QRICH2: variants seen among roughly 807,000 people sequenced by gnomAD.
QRICH2 encodes the protein glutamine-rich protein 2.
Under a neutral mutation model 168.3 loss-of-function variants are expected in QRICH2, and 119 were observed. That is an observed-to-expected ratio of 0.71 (90% CI 0.61 to 0.82). QRICH2 has a LOEUF of 0.82. QRICH2 is among the 40% of genes least tolerant of loss of function. QRICH2 has a pLI of 0.00. For missense variants in QRICH2, 2,241 were observed against 2,491.6 expected, an observed-to-expected ratio of 0.90 and a Z score of 2.14; for synonymous variants, 894 against 951.2, an observed-to-expected ratio of 0.94 and a Z score of 1.11.
chr17:76,289,197 A>C (rs2070944101), intron 5 of QRICH2, among the ~76,000 whole-genome samples: 1 of 152,084 alleles, frequency 6.6e-6, no homozygotes, highest in African/African-American at 2.4e-5. Context: ...TTTTAAAAAA[A>C]ATTTTTTTAG....
rs1470459638 is a variant in QRICH2, at chr17:76,274,143, T to C, written c.5600A>G (p.Asp1867Gly). 6.3e-7 allele frequency: 1 copy of C among 1,587,926 alleles called. No homozygotes were observed. The highest frequency in any genetic ancestry group is 2.3e-5 in the East Asian group (1 of 42,902). ...CTCGAGCCCCTCCCCAGGAGGCATGTCCACGTGCCTCTCCAGCCCCCTGTT... is the reference window on the plus strand; with the variant it reads ...CTCGAGCCCCTCCCCAGGAGGCATGCCCACGTGCCTCTCCAGCCCCCTGTT... ...VANRGLERHVDMPPGEGLEEP... is the reference protein window; with the variant it reads ...VANRGLERHVGMPPGEGLEEP... The change falls in exon 19 of 19, where the codon GAC becomes GGC. Residue 1867 changes from aspartate to glycine, a missense_variant. Coordinates refer to ENST00000680821, the MANE Select transcript of QRICH2 (RefSeq NM_001388453.1).
intron 3 of QRICH2, among the ~76,000 whole-genome samples, chr17:76,297,631 A>C (rs2070818203): frequency 6.6e-6 from 1 of 152,180 alleles, no homozygotes; most frequent in African/African-American, 2.4e-5. Context: ...ATGAGGAGAT[A>C]ACTCAACCAA....
At chr17:76,277,047 A>C (rs1294037187) in intron 16 of QRICH2, 116 bp downstream of exon 16, 2 of 1,141,700 alleles carry the variant, frequency 1.8e-6, no homozygotes, top group African/African-American at 3.1e-5. Flanking sequence ...GGTCTGATTA[A>C]GGAATTGCCT....
intron 3 of QRICH2, among the ~76,000 whole-genome samples, chr17:76,303,360 T>C (rs912222096): frequency 6.6e-6 from 1 of 152,200 alleles, no homozygotes; most frequent in African/African-American, 2.4e-5. Flanking sequence ...CATTTTCAAA[T>C]GGCCCTCAAA....
intron 5 of QRICH2, among the ~76,000 whole-genome samples, chr17:76,289,626 G>A (rs1414430709): frequency 6.6e-6 from 1 of 151,164 alleles, no homozygotes; most frequent in Non-Finnish European, 1.5e-5. Flanking sequence ...AATGGAAAGT[G>A]CTATTATTAG....
At chr17:76,277,581 C>A (rs1391548144) in intron 15 of QRICH2, among the ~76,000 whole-genome samples, 1 of 152,002 alleles carries the variant, frequency 6.6e-6, no homozygotes. Flanking sequence ...CACACACATA[C>A]ATGCACACAC....
rs1598479492 is a variant in QRICH2, at chr17:76,280,426, G to T, written c.4487C>A (p.Thr1496Asn). 2 of 1,614,110 alleles carry T rather than the reference G, an allele frequency of 1.2e-6. No individual in the cohort carries two copies. The highest frequency in any genetic ancestry group is 1.7e-6 in the Non-Finnish European group (2 of 1,180,014). The change falls in exon 11 of 19, where the codon ACC becomes AAC. Residue 1496 changes from threonine to asparagine, a missense_variant. Thr to Asn is a moderately conservative substitution (Grantham distance 65). Around this residue, in one of 3 missense-constraint regions of QRICH2, gnomAD observed 2,047 missense variants for 2,303.8 expected, o/e 0.89. Transcript: ENST00000680821. This position sits in a 1 kb window ranked among gnomAD's most constrained non-coding sequence, Gnocchi z 7.4. ...DVKADKSALA[T>N]KVSRVQFDAT... is the part of the protein sequence containing the mutation. ...ATCAAACTGGACACGGCTCACTTTG[G>T]TGGCCAGAGCACTCTTGTCGGCTTT... is the stretch of plus-strand genomic sequence containing the variant.
intron 3 of QRICH2, among the ~76,000 whole-genome samples, chr17:76,300,340 T>C (rs941731192): frequency 6.6e-6 from 1 of 152,158 alleles, no homozygotes; most frequent in South Asian, 2.1e-4. Context: ...TAAATATAAA[T>C]ATTAAAAGAT....
Position 76,296,817 on chromosome 17 carries a change from A to G in QRICH2, c.706-2796T>C, listed in dbSNP as rs867866208. On this transcript the variant is annotated intron_variant, in intron 3 of 18. Transcript: ENST00000680821. The stretch of plus-strand genomic sequence containing the variant: ...AAAAAAATAACCAGAAAGAAGGGAG[A>G]TGACAGAAAGCCCACTCCCACTCCA... Among the ~76,000 whole-genome samples the G allele has an allele frequency of 1.3e-5, 2 of 150,434 alleles. 1 individual carries two copies. Among genetic ancestry groups the G allele is most frequent in the South Asian group, 4.2e-4 (2 of 4,774 alleles).
At chr17:76,287,512 A>G (rs1476252278) in intron 6 of QRICH2, among the ~76,000 whole-genome samples, 1 of 152,060 alleles carries the variant, frequency 6.6e-6, no homozygotes, top group Non-Finnish European at 1.5e-5. Flanking sequence ...CTGCAAAGAG[A>G]GAGCTCAGAG....
At chr17:76,306,405 C>T (rs1450749710) in intron 1 of QRICH2, among the ~76,000 whole-genome samples, 1 of 152,130 alleles carries the variant, frequency 6.6e-6, no homozygotes, top group Non-Finnish European at 1.5e-5. Context: ...CCTGTCTCTC[C>T]TCTTGGCCTC....
At chr17:76,287,717 A>T in intron 6 of QRICH2, 83 bp downstream of exon 6, 1 of 958,998 alleles carries the variant, frequency 1.0e-6, no homozygotes, top group Non-Finnish European at 1.7e-6. Context: ...CAGGGGCATA[A>T]GGGAGCCACT....
chr17:76,274,417 C>T (rs73350375), intron 18 of QRICH2, among the ~76,000 whole-genome samples, 157 bp from the exon 19 acceptor site: 1,702 of 152,300 alleles, frequency 0.011, 27 homozygotes, highest in African/African-American at 0.038. Flanking sequence ...GGGGGCACGG[C>T]GCAGGCCCAT....
At chr17:76,290,894 G>C in intron 4 of QRICH2, 121 bp downstream of exon 4, 1 of 1,433,272 alleles carries the variant, frequency 7.0e-7, no homozygotes, top group African/African-American at 1.4e-5. Context: ...TGAATGACAT[G>C]CTGTTTTCAG....
In QRICH2 at chr17:76,304,926, C is replaced by T. The variant is rs985092638; in HGVS notation, c.550G>A (p.Val184Ile). ...TTGAATAGCTTCTCTAGTTCATCAA[C>T]CCGCTGTAAAAGTACCTGGAAGAAG... ...LSFARVLLQR[V>I]DELEKLFKDR... The change falls in exon 2 of 19, where the codon GTT becomes ATT. Residue 184 changes from valine to isoleucine, a missense_variant. By Grantham distance (29) the Val-to-Ile change is conservative (BLOSUM62 3). This residue lies in a region of QRICH2 where 2,047 missense variants were observed against 2,303.8 expected (regional missense o/e 0.89). Coordinates refer to ENST00000680821, the MANE Select transcript of QRICH2 (RefSeq NM_001388453.1). 15 of 1,613,370 alleles carry T rather than the reference C, an allele frequency of 9.3e-6. No homozygotes were observed. The Admixed American group carries it at 1.2e-4, about 13-fold the overall frequency.
At position 76,274,266 on chromosome 17, in the gene QRICH2, A is replaced by C; in HGVS notation, c.5483-6T>G. The C allele has an allele frequency of 6.3e-7, 1 of 1,582,136 alleles. No individual in the cohort carries two copies. Among genetic ancestry groups the C allele is most frequent in the Non-Finnish European group, 8.6e-7 (1 of 1,169,178 alleles). ...TTTCTGTTGACGAGAAGAAACTGTA[A>C]GACAGGGGTGCTGAGGTTGCTCAAC... On this transcript the variant is annotated splice_polypyrimidine_tract_variant and splice_region_variant and intron_variant, in intron 18 of 18. Transcript: ENST00000680821.
intron 1 of QRICH2, among the ~76,000 whole-genome samples, chr17:76,305,826 G>A (rs2070982502): frequency 6.6e-6 from 1 of 152,090 alleles, no homozygotes; most frequent in Non-Finnish European, 1.5e-5. Context: ...AATAAAACAA[G>A]TTACTTTTTA....
At position 76,280,928 on chromosome 17, in the gene QRICH2, T is replaced by C. The variant is rs767771014; in HGVS notation, c.4289A>G (p.Gln1430Arg). 2.1e-5 allele frequency: 34 copies of C among 1,611,822 alleles called. No homozygotes were observed. The highest frequency in any genetic ancestry group is 2.8e-5 in the Non-Finnish European group (33 of 1,180,006). The part of the protein sequence containing the change: ...RQDEELLGRV[Q>R]SAILQVQGDC... ...ACCCTGCACCTGCAGGATGGCACTCTGCACACGGCCCAGCAGCTCCTCGTC... is the reference window on the plus strand; with the variant it reads ...ACCCTGCACCTGCAGGATGGCACTCCGCACACGGCCCAGCAGCTCCTCGTC... The change falls in exon 9 of 19, where the codon CAG (glutamine) becomes CGG (arginine). Residue 1430 changes from glutamine to arginine, a missense_variant. Around this residue, in one of 3 missense-constraint regions of QRICH2, gnomAD observed 2,047 missense variants for 2,303.8 expected, o/e 0.89. Transcript: ENST00000680821. This position sits in a 1 kb window ranked among gnomAD's most constrained non-coding sequence, Gnocchi z 7.4.
In QRICH2 at chr17:76,290,078, C is replaced by G. The variant is rs766373526; in HGVS notation, c.3713-1G>C. The stretch of plus-strand genomic sequence containing the variant: ...AGTTCAGGAGGTATGGTCCTTTTGA[C>G]TATGGAAAGCAGAAGCCTTATGATC... On this transcript the variant is annotated splice_acceptor_variant, in intron 4 of 18. Transcript: ENST00000680821. LOFTEE classifies it high-confidence loss of function. 6 of 1,609,940 alleles carry G rather than the reference C, an allele frequency of 3.7e-6. No homozygotes were observed. The highest frequency in any genetic ancestry group is 5.1e-6 in the Non-Finnish European group (6 of 1,177,162).
Sources: allele counts gnomAD v4.1 joint callset (sites outside exome capture counted in the v4.1 genomes callset), GRCh38; gene constraint gnomAD v4.1.1; regional missense constraint gnomAD v4.1.1; non-coding constraint Gnocchi (gnomAD v3.1); transcripts MANE v1.5; gene names NCBI Gene and HGNC (gene_info 2026-07-23, HGNC 2026-07-21).